Variants in FSTL5 observed in about 807,000 individuals in gnomAD.
The protein encoded by FSTL5 is follistatin-related protein 5.
A neutral mutation model predicts 89.1 loss-of-function variants in FSTL5; 62 were observed. The ratio of observed to expected loss-of-function variants is 0.70; its 90% CI spans 0.57 to 0.86. The LOEUF is 0.86. Ranked by LOEUF, FSTL5 falls within the 40% of genes least tolerant of loss-of-function variation. The probability of loss-of-function intolerance (pLI) is 0.00; values close to 1 mark genes in which losing one functional copy is unlikely to be tolerated. For synonymous variants in FSTL5, 383 were observed against 346.2 expected (o/e 1.11, Z -1.18); for missense variants, 1,057 against 1,001.6 (o/e 1.06, Z -0.75).
At chr4:161,402,472 C>A (rs1406285203) in intron 15 of FSTL5, among the ~76,000 whole-genome samples, 4 of 152,102 alleles carry the variant, frequency 2.6e-5, no homozygotes, top group Non-Finnish European at 5.9e-5. Context: ...ATATTTGTAG[C>A]ATCTATAGAT....
rs189987913 is a variant in FSTL5, at chr4:161,578,614, A to G, written c.1015+8841T>C. On this transcript the variant is annotated intron_variant, in intron 8 of 15. Transcript: ENST00000306100. ...AAAATATATATCCCAAAGTCCAAGTAGCTGAGTTATCTCTAGCAGAATAAA... is the reference window on the plus strand; with the variant it reads ...AAAATATATATCCCAAAGTCCAAGTGGCTGAGTTATCTCTAGCAGAATAAA... Among the ~76,000 whole-genome samples, 13 of 152,240 alleles carry G rather than the reference A, an allele frequency of 8.5e-5. No homozygotes were observed. The East Asian group carries it at 2.5e-3, about 29-fold the overall frequency.
intron 12 of FSTL5, among the ~76,000 whole-genome samples, chr4:161,487,515 T>C (rs1236580452): frequency 6.6e-6 from 1 of 152,132 alleles, no homozygotes; most frequent in Non-Finnish European, 1.5e-5. Flanking sequence ...ACTTTAACAG[T>C]ATTTAAACCA....
At chr4:161,992,979 T>G (rs2111083586) in intron 3 of FSTL5, among the ~76,000 whole-genome samples, 1 of 142,374 alleles carries the variant, frequency 7.0e-6, no homozygotes, top group African/African-American at 2.6e-5. Context: ...TATATATATA[T>G]ATGCAAGTAG....
At chr4:162,021,315 A>G (rs191463530) in intron 3 of FSTL5, among the ~76,000 whole-genome samples, 285 of 152,274 alleles carry the variant, frequency 1.9e-3, no homozygotes, top group Middle Eastern at 6.8e-3. Flanking sequence ...TGACAATCTC[A>G]AGTAAAAGCA....
Position 162,012,784 on chromosome 4 carries a change from A to G in FSTL5, c.160+20841T>C, listed in dbSNP as rs138880278. Among the ~76,000 whole-genome samples, 83 of 152,292 alleles carry G rather than the reference A, an allele frequency of 5.5e-4. 1 individual carries two copies. In the East Asian group the frequency reaches 0.015, roughly 27 times the overall value. On this transcript the variant is annotated intron_variant, in intron 3 of 15. Coordinates refer to ENST00000306100, the MANE Select transcript of FSTL5 (RefSeq NM_020116.5). Reference sequence around the variant, plus strand: ...CTTAATAATATAATATTGAAGGAGTATTAGAAATTTTTTTGCAAAATTAAG... The same window carrying G: ...CTTAATAATATAATATTGAAGGAGTGTTAGAAATTTTTTTGCAAAATTAAG...
chr4:161,450,579 A>G (rs780782770), intron 15 of FSTL5, among the ~76,000 whole-genome samples: 7 of 152,198 alleles, frequency 4.6e-5, no homozygotes, highest in Non-Finnish European at 1.0e-4. Flanking sequence ...TCAATTTAAT[A>G]TAACAACTGA....
At chr4:161,695,210 C>T (rs774139782) in intron 6 of FSTL5, among the ~76,000 whole-genome samples, 9 of 152,036 alleles carry the variant, frequency 5.9e-5, no homozygotes, top group Admixed American at 5.9e-4. Flanking sequence ...ACACTCCCTT[C>T]CCAGCCTTTC....
rs1049697757 is a variant in FSTL5, at chr4:161,712,405, C to T, written c.727+47006G>A. ...GAAATTCACCTAGGTCAAATTTGAC[C>T]ATGGGATTAACCCTCCCAGTAGTGA... On this transcript the variant is annotated intron_variant, in intron 6 of 15. Coordinates refer to ENST00000306100, the MANE Select transcript of FSTL5 (RefSeq NM_020116.5). 2.0e-5 allele frequency among the ~76,000 whole-genome samples: 3 copies of T among 151,924 alleles called. No individual in the cohort carries two copies. In the East Asian group the frequency reaches 5.8e-4, roughly 29 times the overall value.
At chr4:161,708,581 T>C (rs896587318) in intron 6 of FSTL5, among the ~76,000 whole-genome samples, 5 of 152,066 alleles carry the variant, frequency 3.3e-5, no homozygotes, top group Non-Finnish European at 7.4e-5. Context: ...TCTTTACTTA[T>C]GCTAAATTAA....
At chr4:162,039,675 A>G (rs1445717594) in intron 2 of FSTL5, among the ~76,000 whole-genome samples, 1 of 151,990 alleles carries the variant, frequency 6.6e-6, no homozygotes, top group African/African-American at 2.4e-5. Context: ...AATGCTGAAA[A>G]TAAGTTCATT....
intron 7 of FSTL5, among the ~76,000 whole-genome samples, chr4:161,615,126 C>G (rs1734801006): frequency 6.6e-6 from 1 of 151,758 alleles, no homozygotes; most frequent in South Asian, 2.1e-4. Flanking sequence ...AACCCCGTCT[C>G]TACTAAAAAT....
chr4:162,070,715 A>C (rs1729583241), intron 2 of FSTL5, among the ~76,000 whole-genome samples: 1 of 151,852 alleles, frequency 6.6e-6, no homozygotes, highest in Non-Finnish European at 1.5e-5. Context: ...CTCAGCAGAA[A>C]CCTTACAGGC....
intron 4 of FSTL5, among the ~76,000 whole-genome samples, chr4:161,853,232 T>C (rs991305610): frequency 6.6e-6 from 1 of 152,156 alleles, no homozygotes; most frequent in Non-Finnish European, 1.5e-5. Context: ...ATGTAGATCA[T>C]GTAGATTAAT....
At chr4:161,533,003 A>G (rs1044032880) in intron 10 of FSTL5, among the ~76,000 whole-genome samples, 12 of 141,134 alleles carry the variant, frequency 8.5e-5, no homozygotes, top group African/African-American at 3.1e-4. Flanking sequence ...ACATTAACGC[A>G]GAAATAAAAA....
chr4:161,495,597 T>G (rs1730039736), intron 12 of FSTL5: 1 of 152,126 alleles, frequency 6.6e-6, no homozygotes, highest in Non-Finnish European at 1.5e-5. Flanking sequence ...TATCAAAAGC[T>G]GAAACCTAAT....
chr4:161,426,448 A>C (rs1428021791), intron 15 of FSTL5, among the ~76,000 whole-genome samples: 1 of 152,236 alleles, frequency 6.6e-6, no homozygotes, highest in Non-Finnish European at 1.5e-5. Flanking sequence ...GACATGATTC[A>C]GTGTGAATTT....
At chr4:161,501,322 T>C (rs1730288184) in intron 11 of FSTL5, among the ~76,000 whole-genome samples, 1 of 152,088 alleles carries the variant, frequency 6.6e-6, no homozygotes, top group Admixed American at 6.6e-5. Context: ...TGTTGATTTG[T>C]AAAAAATATG....
Position 161,514,350 on chromosome 4 carries a change from C to A in FSTL5, c.1313-3926G>T, listed in dbSNP as rs150093352. On this transcript the variant is annotated intron_variant, in intron 10 of 15. Transcript: ENST00000306100. Reference sequence around the variant, plus strand: ...ATGGATGGAACCACAGGCCAGTATCCTAAATGAAATAACCCAGAAACAGAA... The same window carrying A: ...ATGGATGGAACCACAGGCCAGTATCATAAATGAAATAACCCAGAAACAGAA... Among the ~76,000 whole-genome samples the A allele has an allele frequency of 6.4e-4, 97 of 152,080 alleles. 1 individual carries two copies. The highest frequency in any genetic ancestry group is 2.2e-3 in the African/African-American group (92 of 41,508).
intron 3 of FSTL5, among the ~76,000 whole-genome samples, chr4:161,954,478 T>G (rs996844621): frequency 6.6e-6 from 1 of 150,900 alleles, no homozygotes; most frequent in African/African-American, 2.5e-5. Flanking sequence ...TTTCTCTTCA[T>G]CCCTTCAGAC....
Sources: allele counts gnomAD v4.1 joint callset (sites outside exome capture counted in the v4.1 genomes callset), GRCh38; gene constraint gnomAD v4.1.1; transcripts MANE v1.5; gene names NCBI Gene and HGNC (gene_info 2026-07-23, HGNC 2026-07-21).